CDH12: variants seen among roughly 807,000 people sequenced by gnomAD.
CDH12 encodes the protein cadherin-12.
A neutral mutation model predicts 74.1 loss-of-function variants in CDH12; 41 were observed. The observed-to-expected ratio is 0.55, with a 90% CI of 0.43 to 0.72. The LOEUF is 0.72. CDH12 is among the 30% of genes least tolerant of loss of function. The pLI is 0.00. For synonymous variants in CDH12, 399 were observed against 355.0 expected, an observed-to-expected ratio of 1.12 and a Z score of -1.39; for missense variants, 945 against 977.2, an observed-to-expected ratio of 0.97 and a Z score of 0.44.
intron 8 of CDH12, among the ~76,000 whole-genome samples, chr5:21,837,713 T>G (rs1477612399): frequency 1.3e-5 from 2 of 152,186 alleles, no homozygotes; most frequent in Non-Finnish European, 2.9e-5. Context: ...TTTGTTCTGT[T>G]TTTTCCTCTA....
chr5:22,303,805 G>A (rs1337826249), intron 3 of CDH12, among the ~76,000 whole-genome samples: 1 of 152,160 alleles, frequency 6.6e-6, no homozygotes, highest in African/African-American at 2.4e-5. Flanking sequence ...GTAGAGAGCA[G>A]TAGGCTACCC....
chr5:22,522,501 A>G (rs1262625695), intron 1 of CDH12, among the ~76,000 whole-genome samples: 1 of 152,058 alleles, frequency 6.6e-6, no homozygotes, highest in Non-Finnish European at 1.5e-5. Flanking sequence ...AGCTAGTCGG[A>G]TTCTCTGTAT....
intron 2 of CDH12, among the ~76,000 whole-genome samples, chr5:22,484,843 T>A (rs527780312): frequency 3.7e-4 from 57 of 152,248 alleles, no homozygotes; most frequent in African/African-American, 1.4e-3. Context: ...ATTTATGTAA[T>A]AACAGGATTA....
intron 2 of CDH12, among the ~76,000 whole-genome samples, chr5:22,454,476 A>T (rs114621947): frequency 0.019 from 2,645 of 142,094 alleles, 27 homozygotes; most frequent in Middle Eastern, 0.1. Flanking sequence ...TAAATAACAG[A>T]TTTTTCTTTT....
At chr5:21,903,574 T>C (rs1325891653) in intron 6 of CDH12, among the ~76,000 whole-genome samples, 1 of 152,054 alleles carries the variant, frequency 6.6e-6, no homozygotes, top group African/African-American at 2.4e-5. Context: ...TCATCTTAAT[T>C]CTGAAAACAG....
intron 10 of CDH12, among the ~76,000 whole-genome samples, chr5:21,785,900 T>A (rs1746171954): frequency 1.3e-5 from 2 of 152,200 alleles, no homozygotes; most frequent in South Asian, 4.1e-4. Flanking sequence ...CAGAACAGCC[T>A]TCTATTGCAA....
At chr5:22,421,147 T>C (rs1743635507) in intron 2 of CDH12, among the ~76,000 whole-genome samples, 1 of 152,138 alleles carries the variant, frequency 6.6e-6, no homozygotes, top group Non-Finnish European at 1.5e-5. Context: ...ACAGAGACAG[T>C]TTGACTTCCT....
At chr5:22,198,655 C>G (rs745334752) in intron 4 of CDH12, among the ~76,000 whole-genome samples, 1 of 152,050 alleles carries the variant, frequency 6.6e-6, no homozygotes. Context: ...CAATTCTGCT[C>G]TATCTAGTAA....
chr5:22,212,019 C>G (rs932517072), intron 4 of CDH12, among the ~76,000 whole-genome samples: 43 of 151,180 alleles, frequency 2.8e-4, no homozygotes, highest in Non-Finnish European at 5.9e-4. Flanking sequence ...TTAAAATATT[C>G]AGGGATTTAG....
At position 21,751,629 on chromosome 5, in the gene CDH12, TGTTTGTG is replaced by T; in HGVS notation, c.*101_*107del. 5.4e-6 allele frequency: 4 copies of T among 736,784 alleles called. No homozygotes were observed. Among genetic ancestry groups the T allele is most frequent in the South Asian group, 1.8e-5 (1 of 54,214 alleles). The allele number at this position is 736,784 out of a possible 1,614,324, so 45.6% of individuals were successfully genotyped here. A position where few individuals can be genotyped will look rare whatever the true frequency, so the allele number is the denominator to read the frequency against. ...CCCAGAGTGTGTGTGTGTGTGTGTG[TGTTTGTG>T]TGTGTGTGTGTGTGTGAGAGAGATT... is the stretch of plus-strand genomic sequence containing the variant. On this transcript the variant is annotated 3_prime_UTR_variant, in exon 15 of 15. Coordinates refer to ENST00000382254, the MANE Select transcript of CDH12 (RefSeq NM_004061.5).
At chr5:22,418,254 T>G (rs1175110238) in intron 2 of CDH12, among the ~76,000 whole-genome samples, 1 of 147,916 alleles carries the variant, frequency 6.8e-6, no homozygotes, top group Non-Finnish European at 1.5e-5. Flanking sequence ...GTTTGTCTAT[T>G]ATTGGTGTAT....
At chr5:22,514,921 C>A (rs953399535) in intron 1 of CDH12, among the ~76,000 whole-genome samples, 6 of 152,102 alleles carry the variant, frequency 3.9e-5, no homozygotes, top group Non-Finnish European at 8.8e-5. Context: ...TTATGTTTTA[C>A]TTTAAAAATT....
chr5:22,253,667 T>C (rs945323684), intron 3 of CDH12, among the ~76,000 whole-genome samples: 1 of 151,792 alleles, frequency 6.6e-6, no homozygotes, highest in African/African-American at 2.4e-5. Flanking sequence ...CTCCTAAATT[T>C]TAGAGGTCCA....
intron 8 of CDH12, among the ~76,000 whole-genome samples, chr5:21,834,923 C>A (rs555161653): frequency 6.6e-6 from 1 of 152,014 alleles, no homozygotes; most frequent in African/African-American, 2.4e-5. Flanking sequence ...TTGGTATTTG[C>A]TTTCACAGTA....
At chr5:21,800,482 T>TA (rs1747049454) in intron 10 of CDH12, among the ~76,000 whole-genome samples, 1 of 152,120 alleles carries the variant, frequency 6.6e-6, no homozygotes, top group African/African-American at 2.4e-5. Context: ...AAGTTATTTT[T>TA]ACCATTACAA....
chr5:21,821,261 C>A (rs1328103699), intron 8 of CDH12, among the ~76,000 whole-genome samples: 2 of 151,558 alleles, frequency 1.3e-5, no homozygotes, highest in Non-Finnish European at 2.9e-5. Flanking sequence ...ATTTACCTTC[C>A]TTTTTTTGTT....
rs538802458 is a variant in CDH12 at position 22,746,854 on chromosome 5, T to G, written c.-523+106204A>C. On this transcript the variant is annotated intron_variant, in intron 1 of 14. Coordinates refer to ENST00000382254, the MANE Select transcript of CDH12 (RefSeq NM_004061.5). Reference sequence around the variant, plus strand: ...ATCAGAATTTTTACACCTCAAACTATGACTGGAAAAGACAAAAGTATATAA... The same window carrying G: ...ATCAGAATTTTTACACCTCAAACTAGGACTGGAAAAGACAAAAGTATATAA... Among the ~76,000 whole-genome samples, 4 of 152,198 alleles carry G rather than the reference T, an allele frequency of 2.6e-5. No homozygotes were observed. The South Asian group carries it at 8.3e-4, about 31-fold the overall frequency.
At chr5:22,674,376 T>C (rs1227813491) in intron 1 of CDH12, among the ~76,000 whole-genome samples, 3 of 152,198 alleles carry the variant, frequency 2.0e-5, no homozygotes, top group African/African-American at 7.2e-5. Context: ...ATGTGAGACA[T>C]ACCTTTCACT....
At chr5:22,117,489 T>TATTA (rs1491147762) in intron 4 of CDH12, among the ~76,000 whole-genome samples, 3 of 48,606 alleles carry the variant, frequency 6.2e-5, no homozygotes, top group East Asian at 5.8e-4. Flanking sequence ...TATATATATA[T>TATTA]TATATATATA....
Sources: gnomAD v4.1 joint callset for allele counts (sites outside exome capture counted in the v4.1 genomes callset) on GRCh38, gnomAD v4.1.1 for gene constraint, MANE v1.5 for transcripts, NCBI Gene and HGNC (gene_info 2026-07-23, HGNC 2026-07-21) for gene names.